Variants in PGAP3 observed in about 807,000 individuals in gnomAD.
The protein encoded by PGAP3 is GPI-specific phospholipase A2-like PGAP3.
In PGAP3, 31 loss-of-function variants were observed where a neutral mutation model predicts 40.3. The observed-to-expected ratio is 0.77, with a 90% confidence interval of 0.58 to 1.04. PGAP3 has a LOEUF of 1.04. Ranked by LOEUF, PGAP3 falls within the 50% of genes least tolerant of loss-of-function variation. PGAP3 has a pLI of 0.00. For synonymous variants in PGAP3, 191 were observed against 184.5 expected (o/e 1.04, Z -0.29); for missense variants, 413 against 423.0 (o/e 0.98, Z 0.21).
At chr17:39,684,505 G>C in intron 3 of PGAP3, 92 bp downstream of exon 3, 1 of 1,396,524 alleles carries the variant, frequency 7.2e-7, no homozygotes, top group Non-Finnish European at 9.6e-7. Flanking sequence ...GGGGAAGCTG[G>C]TAAGTAGAAG....
At chr17:39,674,858 G>A (rs1177881641) in intron 3 of PGAP3, among the ~76,000 whole-genome samples, 179 bp from the exon 4 acceptor site, 1 of 152,158 alleles carries the variant, frequency 6.6e-6, no homozygotes, top group Admixed American at 6.5e-5. Context: ...CCCAGCCAGG[G>A]TCCCTGGGGT....
At chr17:39,673,789 G>C in intron 5 of PGAP3, 139 bp from the exon 6 acceptor site, 1 of 1,305,288 alleles carries the variant, frequency 7.7e-7, no homozygotes, top group Non-Finnish European at 1.1e-6. Flanking sequence ...GGCCACAGCT[G>C]GGCAGCAAGT....
chr17:39,684,520 G>T, intron 3 of PGAP3, 77 bp downstream of exon 3: 8 of 1,453,128 alleles, frequency 5.5e-6, no homozygotes, highest in Non-Finnish European at 7.4e-6. Context: ...TAGAAGCCCT[G>T]TTGGGTGTTA....
intron 3 of PGAP3, among the ~76,000 whole-genome samples, chr17:39,682,607 T>C (rs918575701): frequency 6.6e-6 from 1 of 152,214 alleles, no homozygotes; most frequent in Non-Finnish European, 1.5e-5. Flanking sequence ...TTCTCTTCAA[T>C]GCCCAAGACC....
Position 39,678,435 on chromosome 17 carries a change from G to A in PGAP3, c.433-3756C>T, listed in dbSNP as rs571418909. ...GTGAAGTCAAAGAGACATGGTATGC[G>A]GAGCTTTGGTAGGCTCCCCACCCGC... On this transcript the variant is annotated intron_variant, in intron 3 of 7. Coordinates refer to ENST00000300658, the MANE Select transcript of PGAP3 (RefSeq NM_033419.5). Among the ~76,000 whole-genome samples the A allele has an allele frequency of 8.5e-5, 13 of 152,322 alleles. No individual in the cohort carries two copies. The East Asian group carries it at 1.7e-3, about 20-fold the overall frequency.
intron 3 of PGAP3, among the ~76,000 whole-genome samples, chr17:39,680,710 C>T (rs908755829): frequency 6.6e-6 from 1 of 152,210 alleles, no homozygotes; most frequent in Non-Finnish European, 1.5e-5. Flanking sequence ...CCTGCCCCTC[C>T]GGCTACTCCT....
rs1209609878 is a variant in PGAP3 at position 39,687,846 on chromosome 17, T to A, written c.169A>T (p.Met57Leu). 3.3e-6 allele frequency: 5 copies of A among 1,497,746 alleles called. No homozygotes were observed. The highest frequency in any genetic ancestry group is 4.5e-6 in the Non-Finnish European group (5 of 1,109,260). The allele number at this position is 1,497,746 out of a possible 1,614,324, so 92.8% of individuals were successfully genotyped here. A position where few individuals can be genotyped will look rare whatever the true frequency, so the allele number is the denominator to read the frequency against. The change falls in exon 1 of 8, where the codon ATG becomes TTG. Residue 57 changes from methionine (M) to leucine (L), a missense_variant. Transcript: ENST00000300658. ...NHFRSRQPIY[M>L]SLAGWTCRDD... Reference sequence around the variant, plus strand: ...GGGTGGGGCTTACCTGCTAGACTCATGTAGATTGGCTGGCGGGAGCGGAAG... The same window carrying A: ...GGGTGGGGCTTACCTGCTAGACTCAAGTAGATTGGCTGGCGGGAGCGGAAG...
At chr17:39,680,949 G>A (rs965372914) in intron 3 of PGAP3, among the ~76,000 whole-genome samples, 3 of 151,750 alleles carry the variant, frequency 2.0e-5, no homozygotes, top group East Asian at 3.9e-4. Context: ...CTGCAGCCTC[G>A]ACCTCCTGGG....
chr17:39,673,702 A>G (rs779159621), intron 5 of PGAP3, 52 bp from the exon 6 acceptor site: 5 of 1,603,560 alleles, frequency 3.1e-6, no homozygotes, highest in African/African-American at 1.3e-5. Context: ...TCCCCAGAGC[A>G]GCATTCCCTG....
intron 3 of PGAP3, among the ~76,000 whole-genome samples, chr17:39,677,295 A>G (rs1336417936): frequency 6.6e-6 from 1 of 152,104 alleles, no homozygotes; most frequent in Non-Finnish European, 1.5e-5. Context: ...GGTCCAGTAG[A>G]CTGACTCTCA....
At chr17:39,678,611 C>T (rs907201629) in intron 3 of PGAP3, among the ~76,000 whole-genome samples, 4 of 152,184 alleles carry the variant, frequency 2.6e-5, no homozygotes, top group African/African-American at 4.8e-5. Context: ...AGACTTAGCC[C>T]GGAGCGGGTG....
rs1597812378 is a variant in PGAP3 at position 39,673,440 on chromosome 17, G to A, written c.694+74C>T. The A allele has an allele frequency of 1.2e-5, 20 of 1,600,516 alleles. No individual in the cohort carries two copies. The East Asian group carries it at 4.5e-4, about 36-fold the overall frequency. On this transcript the variant is annotated intron_variant, in intron 6 of 7. Coordinates refer to ENST00000300658, the MANE Select transcript of PGAP3 (RefSeq NM_033419.5). ...AGTCTCTCTAGAACCTCCTTCTCCA[G>A]GAATGGCACCAACCTCCCACTCGCA... is the stretch of plus-strand genomic sequence containing the variant.
intron 3 of PGAP3, among the ~76,000 whole-genome samples, chr17:39,675,678 CTCTG>C (rs1376550256): frequency 2.6e-5 from 4 of 152,220 alleles, no homozygotes; most frequent in Admixed American, 6.5e-5. Flanking sequence ...AGAAGCTACA[CTCTG>C]TCTGGCACTG....
At chr17:39,676,428 G>C (rs928483675) in intron 3 of PGAP3, among the ~76,000 whole-genome samples, 3 of 152,132 alleles carry the variant, frequency 2.0e-5, no homozygotes, top group African/African-American at 7.2e-5. Flanking sequence ...CCGAAAGCAG[G>C]GGGTGTGTGT....
rs772347240 is a variant in PGAP3 at position 39,684,768 on chromosome 17, A to G, written c.280-19T>C. 3 of 1,573,508 alleles carry G rather than the reference A, an allele frequency of 1.9e-6. No individual in the cohort carries two copies. The highest frequency in any genetic ancestry group is 2.6e-6 in the Non-Finnish European group (3 of 1,160,138). On this transcript the variant is annotated intron_variant, in intron 2 of 7. Coordinates refer to ENST00000300658, the MANE Select transcript of PGAP3 (RefSeq NM_033419.5). Reference sequence around the variant, plus strand: ...AGGGCCACTGAAAAAGGAGCAGATGAAGGAGGTTTGAAGGGCAGGCAACCC... The same window carrying G: ...AGGGCCACTGAAAAAGGAGCAGATGGAGGAGGTTTGAAGGGCAGGCAACCC...
chr17:39,684,891 C>T, intron 2 of PGAP3, 142 bp from the exon 3 acceptor site: 1 of 1,009,470 alleles, frequency 9.9e-7, no homozygotes, highest in Non-Finnish European at 1.4e-6. Flanking sequence ...AGGTTCAGTA[C>T]CTCTTCAGAC....
intron 3 of PGAP3, among the ~76,000 whole-genome samples, chr17:39,684,124 CAAAAAAAAAAAAA>C (rs58205601): frequency 2.3e-4 from 15 of 64,398 alleles, no homozygotes; most frequent in Non-Finnish European, 3.4e-4. Context: ...GACTCTGTCT[CAAAAAAAAAAAAA>C]AAAAAAAAAA....
At position 39,686,008 on chromosome 17, in the gene PGAP3, G is replaced by A. The variant is rs753406056; in HGVS notation, c.193C>T (p.Arg65Trp). 17 of 1,612,180 alleles carry A rather than the reference G, an allele frequency of 1.1e-5. No individual in the cohort carries two copies. The highest frequency in any genetic ancestry group is 5.3e-5 in the African/African-American group (4 of 74,844). Residue 65 changes from arginine to tryptophan, a missense_variant, in exon 2 of 8, where the codon CGG (arginine) becomes TGG (tryptophan). Coordinates refer to ENST00000300658, the MANE Select transcript of PGAP3 (RefSeq NM_033419.5). The part of the protein sequence containing the change: ...IYMSLAGWTC[R>W]DDCKYECMWV... ...ATACACTCATACTTACAGTCGTCCC[G>A]ACAGGTCCAGCCTGAAACAGACAAA...
chr17:39,681,374 G>A lies in PGAP3; in HGVS notation c.432+3223C>T, dbSNP rs79277833. Among the ~76,000 whole-genome samples the A allele has an allele frequency of 6.5e-3, 996 of 152,240 alleles. 11 individuals carry two copies. Among genetic ancestry groups the A allele is most frequent in the African/African-American group, 0.023 (964 of 41,548 alleles). On this transcript the variant is annotated intron_variant, in intron 3 of 7. Transcript: ENST00000300658. The stretch of plus-strand genomic sequence containing the variant: ...GTTTCCTCATCTATAAACTGGGGAT[G>A]AGAATAATAATACCTATAAGCTGCG...
Sources: allele counts gnomAD v4.1 joint callset (sites outside exome capture counted in the v4.1 genomes callset), GRCh38; gene constraint gnomAD v4.1.1; transcripts MANE v1.5; gene names NCBI Gene and HGNC (gene_info 2026-07-23, HGNC 2026-07-21).